CDKAL1: variants seen among roughly 807,000 people sequenced by gnomAD.
The protein encoded by CDKAL1 is CDKAL1 threonylcarbamoyladenosine tRNA methylthiotransferase, also known as threonylcarbamoyladenosine tRNA methylthiotransferase.
Under a neutral mutation model 68.2 loss-of-function variants are expected in CDKAL1, and 32 were observed. The observed-to-expected ratio is 0.47, with a 90% CI of 0.35 to 0.63. The LOEUF (loss-of-function observed/expected upper bound fraction) is 0.63. Ranked by LOEUF, CDKAL1 falls within the 30% of genes least tolerant of loss-of-function variation. The pLI, the probability that CDKAL1 is intolerant of heterozygous loss-of-function variation, is 0.00. For synonymous variants in CDKAL1, 234 were observed against 244.3 expected (o/e 0.96, Z 0.39); for missense variants, 606 against 696.7 (o/e 0.87, Z 1.47).
At position 20,766,974 on chromosome 6, in the gene CDKAL1, T is replaced by C. The variant is rs557604494; in HGVS notation, c.517+8331T>C. ...ATACAAAATGTTCACTTAATGTATGTATTTTAAGAGTTTTAATATGCTTTA... is the reference window on the plus strand; with the variant it reads ...ATACAAAATGTTCACTTAATGTATGCATTTTAAGAGTTTTAATATGCTTTA... On this transcript the variant is annotated intron_variant, in intron 7 of 15. Coordinates refer to ENST00000274695, the MANE Select transcript of CDKAL1 (RefSeq NM_017774.3). 9.8e-5 allele frequency among the ~76,000 whole-genome samples: 15 copies of C among 152,292 alleles called. 1 individual carries two copies. In the South Asian group the frequency reaches 2.9e-3, roughly 29 times the overall value.
chr6:20,780,928 C>T (rs1775399111), intron 7 of CDKAL1, among the ~76,000 whole-genome samples: 2 of 152,126 alleles, frequency 1.3e-5, no homozygotes, highest in South Asian at 4.1e-4. Context: ...CCCACCTTGG[C>T]CTCCCAAAGT....
At chr6:20,945,714 A>G (rs1267018377) in intron 9 of CDKAL1, among the ~76,000 whole-genome samples, 1 of 152,220 alleles carries the variant, frequency 6.6e-6, no homozygotes, top group Admixed American at 6.5e-5. Context: ...GAAAGAAATA[A>G]GAAAAGAAAA....
At chr6:21,210,095 A>C (rs148261724) in intron 15 of CDKAL1, among the ~76,000 whole-genome samples, 105 of 152,264 alleles carry the variant, frequency 6.9e-4, no homozygotes, top group African/African-American at 2.0e-3. Context: ...CACTCCTCAA[A>C]GTATTCTAGT....
intron 11 of CDKAL1, among the ~76,000 whole-genome samples, chr6:21,046,031 C>G (rs1004151755): frequency 6.6e-6 from 1 of 152,156 alleles, no homozygotes; most frequent in Non-Finnish European, 1.5e-5. Context: ...TGTTGTGTGA[C>G]ATTGGGCAGC....
At chr6:20,637,830 A>G (rs774911301) in intron 4 of CDKAL1, among the ~76,000 whole-genome samples, 7 of 152,160 alleles carry the variant, frequency 4.6e-5, no homozygotes, top group Non-Finnish European at 8.8e-5. Flanking sequence ...GTGATTATAT[A>G]TTCTAGATTT....
At chr6:20,747,657 G>A (rs1334953654) in intron 6 of CDKAL1, among the ~76,000 whole-genome samples, 3 of 152,046 alleles carry the variant, frequency 2.0e-5, no homozygotes, top group Non-Finnish European at 2.9e-5. Context: ...CAGGTCCTTT[G>A]CCCATTTTTA....
intron 9 of CDKAL1, among the ~76,000 whole-genome samples, chr6:20,878,667 C>A (rs866248664): frequency 6.6e-6 from 1 of 151,832 alleles, no homozygotes; most frequent in Admixed American, 6.6e-5. Flanking sequence ...GGGGAGTGGG[C>A]GGAGGTTGCA....
rs1008425289 is a variant in CDKAL1, at chr6:21,165,762, C to T, written c.1300-32259C>T. On this transcript the variant is annotated intron_variant, in intron 13 of 15. Transcript: ENST00000274695. Reference sequence around the variant, plus strand: ...GAGTCAAGGAGGCTACTAGGAGAGTCTGTACTCTGCGATGACAGCACAGTG... The same window carrying T: ...GAGTCAAGGAGGCTACTAGGAGAGTTTGTACTCTGCGATGACAGCACAGTG... Among the ~76,000 whole-genome samples, 7 of 152,136 alleles carry T rather than the reference C, an allele frequency of 4.6e-5. 1 individual carries two copies. Among genetic ancestry groups the T allele is most frequent in the African/African-American group, 1.4e-4 (6 of 41,456 alleles).
Position 20,852,801 on chromosome 6 carries a change from C to A in CDKAL1, c.742+6623C>A, listed in dbSNP as rs188391079. 2.6e-5 allele frequency among the ~76,000 whole-genome samples: 4 copies of A among 152,290 alleles called. No homozygotes were observed. The East Asian group carries it at 7.7e-4, about 29-fold the overall frequency. ...GGAAACTTGAAAAAGTAGAGGCAGA[C>A]CACCGTGGTTGAAGTAGAAGTGGGG... On this transcript the variant is annotated intron_variant, in intron 9 of 15. Transcript: ENST00000274695.
At position 20,909,181 on chromosome 6, in the gene CDKAL1, ATGTATGTGTGTGTGTG is replaced by A. The variant is rs1461586360; in HGVS notation, c.743-46234_743-46219del. ...TGTATATGTATCTATATATGTGTGC[ATGTATGTGTGTGTGTG>A]TGTGTGTGTGTGTGTGTGTGTATTA... On this transcript the variant is annotated intron_variant, in intron 9 of 15. Transcript: ENST00000274695. Among the ~76,000 whole-genome samples, 34 of 133,250 alleles carry A rather than the reference ATGTATGTGTGTGTGTG, an allele frequency of 2.6e-4. 1 individual carries two copies. The South Asian group carries it at 3.8e-3, about 15-fold the overall frequency. 87.4% of individuals were successfully genotyped at this position (133,250 alleles called of 152,430 possible).
chr6:20,776,777 T>C (rs181316009), intron 7 of CDKAL1, among the ~76,000 whole-genome samples: 12 of 152,336 alleles, frequency 7.9e-5, no homozygotes, highest in East Asian at 3.9e-4. Context: ...GAAAAGTGTT[T>C]ATTCATGAAA....
chr6:20,979,753 T>G (rs914440849), intron 10 of CDKAL1, among the ~76,000 whole-genome samples: 5 of 147,854 alleles, frequency 3.4e-5, no homozygotes, highest in African/African-American at 1.3e-4. Context: ...ATATTGATAT[T>G]AAAATTTTTT....
At position 20,706,710 on chromosome 6, in the gene CDKAL1, ATC is replaced by A. The variant is rs1162854179; in HGVS notation, c.372-32807_372-32806del. Among the ~76,000 whole-genome samples, 15 of 152,214 alleles carry A rather than the reference ATC, an allele frequency of 9.9e-5. 1 individual carries two copies. On this transcript the variant is annotated intron_variant, in intron 5 of 15. Coordinates refer to ENST00000274695, the MANE Select transcript of CDKAL1 (RefSeq NM_017774.3). ...GTCATAAATAATCCAGGAGTACAGCATCTGTTTCACCTGCTGCTCTCTTTATG... is the reference window on the plus strand; with the variant it reads ...GTCATAAATAATCCAGGAGTACAGCATGTTTCACCTGCTGCTCTCTTTATG...
At chr6:21,085,816 T>C (rs4130033) in intron 12 of CDKAL1, among the ~76,000 whole-genome samples, 32,104 of 151,900 alleles carry the variant, frequency 0.21, 3,482 homozygotes, top group South Asian at 0.28. Flanking sequence ...AGGCAAGGAG[T>C]GACGCAATCT....
At chr6:20,682,917 T>G (rs1047015130) in intron 5 of CDKAL1, among the ~76,000 whole-genome samples, 2 of 151,904 alleles carry the variant, frequency 1.3e-5, no homozygotes, top group African/African-American at 4.8e-5. Flanking sequence ...ACTTTTTCCT[T>G]CCACTTAAAA....
intron 10 of CDKAL1, among the ~76,000 whole-genome samples, chr6:20,966,076 A>C (rs1307586628): frequency 6.6e-6 from 1 of 151,552 alleles, no homozygotes; most frequent in Non-Finnish European, 1.5e-5. Flanking sequence ...TGGAATTTTC[A>C]GGTGATTCAT....
intron 8 of CDKAL1, among the ~76,000 whole-genome samples, chr6:20,838,785 T>G (rs577184727): frequency 9.2e-5 from 14 of 152,132 alleles, no homozygotes; most frequent in Non-Finnish European, 1.5e-4. Context: ...CCATCCTGGC[T>G]AACACGGTGA....
At chr6:20,587,704 G>C (rs921284737) in intron 4 of CDKAL1, among the ~76,000 whole-genome samples, 1 of 152,102 alleles carries the variant, frequency 6.6e-6, no homozygotes, top group African/African-American at 2.4e-5. Flanking sequence ...CTGTACTCCA[G>C]CCTGGGCAAC....
chr6:21,180,740 C>T (rs1260190753), intron 13 of CDKAL1, among the ~76,000 whole-genome samples: 1 of 151,992 alleles, frequency 6.6e-6, no homozygotes, highest in African/African-American at 2.4e-5. Context: ...TACATCTTTT[C>T]AAAGACCTTT....
Sources: allele counts gnomAD v4.1 joint callset (sites outside exome capture counted in the v4.1 genomes callset), GRCh38; gene constraint gnomAD v4.1.1; transcripts MANE v1.5; gene names NCBI Gene and HGNC (gene_info 2026-07-23, HGNC 2026-07-21).